RNGTT: variants seen among roughly 807,000 people sequenced by gnomAD.
The protein encoded by RNGTT is mRNA-capping enzyme.
RNGTT carries 33 observed loss-of-function variants against 79.3 expected under a neutral mutation model. The observed-to-expected ratio is 0.42, with a 90% confidence interval of 0.32 to 0.56. RNGTT has a LOEUF of 0.56. Ranked by LOEUF, RNGTT falls within the 20% of genes least tolerant of loss-of-function variation. RNGTT has a pLI of 0.17. For synonymous variants in RNGTT, 222 were observed against 235.9 expected (o/e 0.94, Z 0.54); for missense variants, 497 against 739.1 (o/e 0.67, Z 3.80).
chr6:88,901,495 C>CTTTGTTTTTTTTTTTTTTTT (rs1783459025), intron 6 of RNGTT, among the ~76,000 whole-genome samples: 1 of 65,776 alleles, frequency 1.5e-5, no homozygotes, highest in Non-Finnish European at 2.7e-5. Context: ...GCACCCTGAT[C>CTTTGTTTTTTTTTTTTTTTT]TTTTTTTTTT....
chr6:88,819,088 A>G (rs1231202320), intron 11 of RNGTT, among the ~76,000 whole-genome samples: 2 of 152,160 alleles, frequency 1.3e-5, no homozygotes, highest in African/African-American at 2.4e-5. Context: ...TTTGAAATAT[A>G]CAGTTATTAT....
chr6:88,780,564 G>A (rs1164651002), intron 12 of RNGTT, among the ~76,000 whole-genome samples: 1 of 152,002 alleles, frequency 6.6e-6, no homozygotes. Flanking sequence ...AATTATCAGA[G>A]CTATAGTTAA....
intron 14 of RNGTT, among the ~76,000 whole-genome samples, chr6:88,654,044 A>G (rs1013431408): frequency 2.0e-5 from 3 of 152,246 alleles, no homozygotes; most frequent in Non-Finnish European, 2.9e-5. Flanking sequence ...CAACTACTGT[A>G]TGACTCGTTA....
chr6:88,918,935 C>A (rs942046556), intron 4 of RNGTT, among the ~76,000 whole-genome samples: 2 of 152,058 alleles, frequency 1.3e-5, no homozygotes, highest in African/African-American at 4.8e-5. Flanking sequence ...ATAATAATTG[C>A]CAATTAGCTA....
intron 11 of RNGTT, among the ~76,000 whole-genome samples, chr6:88,813,444 T>C (rs1217581254): frequency 2.0e-5 from 3 of 152,200 alleles, no homozygotes; most frequent in Admixed American, 1.3e-4. Context: ...GAGAGACAGA[T>C]TTGAGCTGGA....
At chr6:88,793,776 A>G (rs879516336) in intron 12 of RNGTT, among the ~76,000 whole-genome samples, 4 of 152,194 alleles carry the variant, frequency 2.6e-5, no homozygotes, top group Non-Finnish European at 5.9e-5. Context: ...AGCCTGGGCG[A>G]CAGAGAAAGA....
At chr6:88,800,493 C>G (rs150151205) in intron 12 of RNGTT, among the ~76,000 whole-genome samples, 1 of 152,154 alleles carries the variant, frequency 6.6e-6, no homozygotes, top group Non-Finnish European at 1.5e-5. Flanking sequence ...AAATTCTCAA[C>G]TAGCTTATAC....
chr6:88,699,143 G>GA (rs1259173271), intron 13 of RNGTT, among the ~76,000 whole-genome samples: 7 of 152,116 alleles, frequency 4.6e-5, no homozygotes, highest in African/African-American at 1.7e-4. Flanking sequence ...ATGAACTTCT[G>GA]AAGCAGTTTA....
At chr6:88,842,585 T>C (rs74840210) in intron 11 of RNGTT, among the ~76,000 whole-genome samples, 2,926 of 152,134 alleles carry the variant, frequency 0.019, 87 homozygotes, top group African/African-American at 0.067. Context: ...GGATGCTAAA[T>C]AGACTATGCA....
chr6:88,744,544 G>C (rs1465682624), intron 13 of RNGTT, among the ~76,000 whole-genome samples: 1 of 152,160 alleles, frequency 6.6e-6, no homozygotes, highest in African/African-American at 2.4e-5. Context: ...ACAGGCATGA[G>C]CCACCGTGCC....
At chr6:88,898,276 T>C (rs1359531461) in intron 6 of RNGTT, among the ~76,000 whole-genome samples, 4 of 152,298 alleles carry the variant, frequency 2.6e-5, no homozygotes, top group Middle Eastern at 6.8e-3. Flanking sequence ...TTGAATTTTG[T>C]CCTCTCCATG....
chr6:88,731,619 A>G (rs1777119751), intron 13 of RNGTT, among the ~76,000 whole-genome samples: 1 of 152,226 alleles, frequency 6.6e-6, no homozygotes, highest in South Asian at 2.1e-4. Context: ...GACTTCACAG[A>G]AAGATTTTAA....
intron 14 of RNGTT, among the ~76,000 whole-genome samples, chr6:88,647,281 ATTAT>A (rs1331291154): frequency 4.6e-5 from 7 of 152,176 alleles, no homozygotes; most frequent in Non-Finnish European, 8.8e-5. Context: ...ATAAATAATA[ATTAT>A]TTATTTTCAA....
chr6:88,676,872 A>G (rs2756403), intron 14 of RNGTT, among the ~76,000 whole-genome samples: 40,643 of 152,150 alleles, frequency 0.27, 9,527 homozygotes, highest in African/African-American at 0.63. Flanking sequence ...CAACTACCAC[A>G]TGACCCAGCC....
chr6:88,823,501 A>C (rs1205384610), intron 11 of RNGTT, among the ~76,000 whole-genome samples: 2 of 152,124 alleles, frequency 1.3e-5, no homozygotes, highest in Non-Finnish European at 2.9e-5. Context: ...AAGTGGGAGA[A>C]TATATCAGAA....
intron 4 of RNGTT, among the ~76,000 whole-genome samples, chr6:88,921,571 T>C (rs1279601753): frequency 6.6e-6 from 1 of 152,168 alleles, no homozygotes; most frequent in Non-Finnish European, 1.5e-5. Context: ...ACCATACTGT[T>C]AGCTTCTCTG....
intron 12 of RNGTT, among the ~76,000 whole-genome samples, chr6:88,778,233 T>C (rs1313832115): frequency 2.0e-5 from 3 of 152,078 alleles, no homozygotes; most frequent in African/African-American, 4.8e-5. Flanking sequence ...GGAATGAACA[T>C]TGTAAGCCTT....
At chr6:88,634,498 T>C (rs1308072723) in intron 14 of RNGTT, among the ~76,000 whole-genome samples, 1 of 152,144 alleles carries the variant, frequency 6.6e-6, no homozygotes, top group African/African-American at 2.4e-5. Context: ...TAATATTCAC[T>C]AAGAATGCAT....
chr6:88,815,465 T>C (rs1447004891), intron 11 of RNGTT, among the ~76,000 whole-genome samples: 1 of 152,168 alleles, frequency 6.6e-6, no homozygotes, highest in African/African-American at 2.4e-5. Context: ...AGTGGGGACC[T>C]CAGTATCTAA....
Sources: gnomAD v4.1 joint callset for allele counts (sites outside exome capture counted in the v4.1 genomes callset) on GRCh38, gnomAD v4.1.1 for gene constraint, MANE v1.5 for transcripts, NCBI Gene and HGNC (gene_info 2026-07-23, HGNC 2026-07-21) for gene names.